Variants in XKR6 observed in about 807,000 individuals in gnomAD.
XKR6 encodes XK related 6, also known as XK-related protein 6.
XKR6 carries 22 observed loss-of-function variants against 56.7 expected under a neutral mutation model. That is an observed-to-expected ratio of 0.39 (90% CI 0.28 to 0.55). The LOEUF is 0.55. XKR6 is among the 20% of genes least tolerant of loss of function. XKR6 has a pLI of 0.66. For synonymous variants in XKR6, 524 were observed against 387.8 expected (o/e 1.35, Z -4.13); for missense variants, 852 against 889.0 (o/e 0.96, Z 0.53).
Position 10,934,823 on chromosome 8 carries a change from G to A in XKR6, c.765-9993C>T, listed in dbSNP as rs1430029759. Reference sequence around the variant, plus strand: ...TGCCAGTATTTTATTGAGGATTTTTGCATCAATGTTCATCAGGGATATTGG... The same window carrying A: ...TGCCAGTATTTTATTGAGGATTTTTACATCAATGTTCATCAGGGATATTGG... On this transcript the variant is annotated intron_variant, in intron 1 of 2. Coordinates refer to ENST00000416569, the MANE Select transcript of XKR6 (RefSeq NM_173683.4). Among the ~76,000 whole-genome samples the A allele has an allele frequency of 4.0e-5, 6 of 149,764 alleles. No individual in the cohort carries two copies. The East Asian group carries it at 1.2e-3, about 29-fold the overall frequency.
chr8:11,086,146 A>T (rs945657444), intron 1 of XKR6, among the ~76,000 whole-genome samples: 7 of 116,550 alleles, frequency 6.0e-5, no homozygotes, highest in Non-Finnish European at 8.9e-5. Flanking sequence ...ATATATATAT[A>T]TATTTTTTTT....
At position 11,137,986 on chromosome 8, in the gene XKR6, G is replaced by A. The variant is rs372633533; in HGVS notation, c.764+62590C>T. 9.0e-5 allele frequency: 28 copies of A among 311,864 alleles called. No individual in the cohort carries two copies. The East Asian group carries it at 1.7e-3, about 19-fold the overall frequency. The allele number at this position is 311,864 out of a possible 1,614,324, so 19.3% of individuals were successfully genotyped here. On this transcript the variant is annotated intron_variant, in intron 1 of 2. Coordinates refer to ENST00000416569, the MANE Select transcript of XKR6 (RefSeq NM_173683.4). ...TTCTCTCTAATGCCCTGATGAAGCC[G>A]TCAGCAACCCCTTCTACCTCGGAAG... is the stretch of plus-strand genomic sequence containing the variant.
intron 1 of XKR6, among the ~76,000 whole-genome samples, chr8:11,148,150 C>G (rs1801085026): frequency 6.6e-6 from 1 of 152,106 alleles, no homozygotes; most frequent in African/African-American, 2.4e-5. Context: ...GCTGAGGCTG[C>G]AGAGAGCCAA....
chr8:10,981,511 C>G (rs1797735660), intron 1 of XKR6, among the ~76,000 whole-genome samples: 1 of 152,184 alleles, frequency 6.6e-6, no homozygotes, highest in African/African-American at 2.4e-5. Flanking sequence ...ATTCCACTAA[C>G]AAAGACATTG....
rs533534716 is a variant in XKR6, at chr8:10,954,930, G to A, written c.765-30100C>T. ...TTCTCCCAGGCTGAAGTGCAGTGGT[G>A]CAATCTTGGCTCACTGCAATCTTTG... is the stretch of plus-strand genomic sequence containing the variant. On this transcript the variant is annotated intron_variant, in intron 1 of 2. Transcript: ENST00000416569. Among the ~76,000 whole-genome samples the A allele has an allele frequency of 3.6e-5, 5 of 139,928 alleles. No homozygotes were observed. In the East Asian group the frequency reaches 6.3e-4, roughly 18 times the overall value. The allele number at this position is 139,928 out of a possible 152,430, so 91.8% of individuals were successfully genotyped here.
chr8:11,152,835 G>T (rs1413234505), intron 1 of XKR6, among the ~76,000 whole-genome samples: 1 of 152,182 alleles, frequency 6.6e-6, no homozygotes, highest in Non-Finnish European at 1.5e-5. Flanking sequence ...AATTCTGAAT[G>T]ATGAGAAGTT....
intron 1 of XKR6, among the ~76,000 whole-genome samples, chr8:11,094,519 T>A (rs1798207114): frequency 1.3e-5 from 2 of 152,148 alleles, no homozygotes; most frequent in Non-Finnish European, 2.9e-5. Context: ...GGGGCATTTG[T>A]AATTTCCCTC....
intron 2 of XKR6, among the ~76,000 whole-genome samples, chr8:10,921,696 A>G (rs190586215): frequency 6.6e-6 from 1 of 152,242 alleles, no homozygotes; most frequent in East Asian, 1.9e-4. Flanking sequence ...CCATCTGTCT[A>G]CCACCCTGCT....
chr8:10,923,365 A>T (rs991178101), intron 2 of XKR6, among the ~76,000 whole-genome samples: 1 of 151,848 alleles, frequency 6.6e-6, no homozygotes, highest in African/African-American at 2.4e-5. Context: ...GACAGCCTCC[A>T]TTGAGGGCTG....
intron 1 of XKR6, among the ~76,000 whole-genome samples, chr8:11,021,792 T>A (rs1798755170): frequency 6.6e-6 from 1 of 152,170 alleles, no homozygotes; most frequent in South Asian, 2.1e-4. Context: ...CCTGAGATAC[T>A]AACGTGATAA....
At chr8:11,043,739 T>C (rs982143025) in intron 1 of XKR6, among the ~76,000 whole-genome samples, 1 of 152,236 alleles carries the variant, frequency 6.6e-6, no homozygotes, top group African/African-American at 2.4e-5. Context: ...TTCCCGCCCA[T>C]GACAGGACAG....
intron 1 of XKR6, among the ~76,000 whole-genome samples, chr8:11,040,377 A>T (rs990042547): frequency 5.3e-5 from 8 of 151,862 alleles, no homozygotes; most frequent in African/African-American, 1.9e-4. Flanking sequence ...AAAAAAAAAA[A>T]AAAAATTAGC....
chr8:10,970,353 C>T (rs985356184), intron 1 of XKR6, among the ~76,000 whole-genome samples: 10 of 152,182 alleles, frequency 6.6e-5, no homozygotes, highest in African/African-American at 2.2e-4. Context: ...CTGGACCAAA[C>T]ATTTTCTTGG....
rs759373812 is a variant in XKR6, at chr8:11,172,790, G to T, written c.764+27786C>A. Among the ~76,000 whole-genome samples, 26 of 152,098 alleles carry T rather than the reference G, an allele frequency of 1.7e-4. No homozygotes were observed. The Middle Eastern group carries it at 0.017, about 99-fold the overall frequency. ...GTCTGCCTACTCAGCAGGAGCAAAG[G>T]CCAGAAAGCATGCAGGCCCCAAAGA... On this transcript the variant is annotated intron_variant, in intron 1 of 2. Transcript: ENST00000416569.
At chr8:11,074,184 G>A (rs1180464124) in intron 1 of XKR6, among the ~76,000 whole-genome samples, 2 of 152,220 alleles carry the variant, frequency 1.3e-5, no homozygotes, top group Non-Finnish European at 2.9e-5. Flanking sequence ...CGGCCCCAGC[G>A]ATGGGGCTGC....
intron 1 of XKR6, among the ~76,000 whole-genome samples, chr8:11,008,271 A>G (rs968183760): frequency 1.3e-5 from 2 of 152,170 alleles, no homozygotes; most frequent in Admixed American, 1.3e-4. Context: ...AACATGATGC[A>G]AAAAGGCCCA....
intron 1 of XKR6, among the ~76,000 whole-genome samples, chr8:11,009,131 A>G (rs1028912669): frequency 6.6e-6 from 1 of 152,022 alleles, no homozygotes; most frequent in Admixed American, 6.5e-5. Flanking sequence ...CTTGATCTTT[A>G]GCTAATCATT....
intron 1 of XKR6, among the ~76,000 whole-genome samples, chr8:11,006,266 G>A (rs752962686): frequency 5.9e-5 from 9 of 152,198 alleles, no homozygotes; most frequent in African/African-American, 1.4e-4. Context: ...GAGCCAGTTA[G>A]TGGCCTAGTA....
intron 1 of XKR6, chr8:11,194,927 C>G (rs1019673400): frequency 5.5e-5 from 30 of 543,870 alleles, no homozygotes; most frequent in African/African-American, 1.2e-4. Context: ...CAATTTCGCT[C>G]CAAAGCATGC....
Sources: gnomAD v4.1 joint callset for allele counts (sites outside exome capture counted in the v4.1 genomes callset) on GRCh38, gnomAD v4.1.1 for gene constraint, MANE v1.5 for transcripts, NCBI Gene and HGNC (gene_info 2026-07-23, HGNC 2026-07-21) for gene names.